The following RIMS3 variants were observed in gnomAD, a reference collection of about 807,000 sequenced individuals.
The protein encoded by RIMS3 is regulating synaptic membrane exocytosis 3.
RIMS3 carries 15 observed loss-of-function variants against 29.2 expected under a neutral mutation model. That is an observed-to-expected ratio of 0.51 (90% confidence interval 0.34 to 0.79). The LOEUF is 0.79. RIMS3 is among the 30% of genes least tolerant of loss of function. RIMS3 has a pLI of 0.01. For missense variants in RIMS3, 342 were observed against 421.4 expected (o/e 0.81, Z 1.65); for synonymous variants, 161 against 170.1 (o/e 0.95, Z 0.41).
intron 3 of RIMS3, among the ~76,000 whole-genome samples, chr1:40,638,731 T>C (rs1238298670): frequency 1.3e-5 from 2 of 152,176 alleles, no homozygotes; most frequent in African/African-American, 4.8e-5. Flanking sequence ...AACCCACCTG[T>C]GTCCTGGACC....
intron 2 of RIMS3, among the ~76,000 whole-genome samples, chr1:40,643,890 G>A (rs7542025): frequency 0.64 from 97,312 of 151,956 alleles, 31,386 homozygotes; most frequent in African/African-American, 0.69. Flanking sequence ...CCTAGCATCC[G>A]CTCCCCCTTT....
chr1:40,631,414 A>G (rs1397204488), intron 5 of RIMS3, among the ~76,000 whole-genome samples: 1 of 152,176 alleles, frequency 6.6e-6, no homozygotes, highest in Non-Finnish European at 1.5e-5. Context: ...TCCAGTCTCT[A>G]ATATAAAATG....
At position 40,628,940 on chromosome 1, in the gene RIMS3, A is replaced by G. The variant is rs767935203; in HGVS notation, c.584T>C (p.Ile195Thr). Residue 195 changes from isoleucine (I) to threonine (T), a missense_variant, in exon 7 of 8, where the codon ATC becomes ACC. Ile to Thr is a moderately conservative substitution (Grantham distance 89, BLOSUM62 -1). Transcript: ENST00000372684. ...CCCATTCTCCAGCAGGTAAACCTTG[A>G]TATAGGTGGCTAAGGGAGGAGAGAA... ...PGSKSLPATY[I>T]KVYLLENGAC... 6.2e-7 allele frequency: 1 copy of G among 1,613,212 alleles called. No homozygotes were observed. Among genetic ancestry groups the G allele is most frequent in the East Asian group, 2.2e-5 (1 of 44,856 alleles).
chr1:40,658,124 T>C (rs559834253), intron 1 of RIMS3, among the ~76,000 whole-genome samples: 10 of 152,130 alleles, frequency 6.6e-5, no homozygotes, highest in Non-Finnish European at 1.5e-4. Context: ...GTAGACATGG[T>C]TTGGTTTTTC....
At position 40,620,722 on chromosome 1, in the gene RIMS3, C is replaced by T. The variant is rs1646415761; in HGVS notation, c.*5795G>A. The T allele has an allele frequency of 6.6e-6, 1 of 152,652 alleles. No individual in the cohort carries two copies. The highest frequency in any genetic ancestry group is 6.5e-5 in the Admixed American group (1 of 15,286). 9.5% of individuals were successfully genotyped at this position (152,652 alleles called of 1,614,324 possible). A position where few individuals can be genotyped will look rare whatever the true frequency, so the allele number is the denominator to read the frequency against. On this transcript the variant is annotated 3_prime_UTR_variant, in exon 8 of 8. Coordinates refer to ENST00000372684, the MANE Select transcript of RIMS3 (RefSeq NM_014747.3). ...TTAATCATGTTTTGCTGCCCAAATA[C>T]TGTACATGCAGAAGCCATGTGAAGA... is the stretch of plus-strand genomic sequence containing the variant.
Position 40,641,681 on chromosome 1 carries a change from TACCCCGTG to T in RIMS3, c.217+20_217+27del. The T allele has an allele frequency of 6.2e-7, 1 of 1,609,932 alleles. No homozygotes were observed. The highest frequency in any genetic ancestry group is 8.5e-7 in the Non-Finnish European group (1 of 1,176,748). On this transcript the variant is annotated intron_variant, in intron 3 of 7. Transcript: ENST00000372684. ...GTCTTTGCGAAGTGTCCCCCACCTC[TACCCCGTG>T]ATGTCCCATGCCCCCTCACCAGGCT...
intron 1 of RIMS3, among the ~76,000 whole-genome samples, chr1:40,651,003 C>A (rs1169692382): frequency 6.6e-6 from 1 of 151,964 alleles, no homozygotes; most frequent in Non-Finnish European, 1.5e-5. Context: ...CTGGCTAAAC[C>A]CTATTCTTGG....
intron 1 of RIMS3, among the ~76,000 whole-genome samples, chr1:40,663,109 G>T (rs1481188019): frequency 6.6e-6 from 1 of 152,170 alleles, no homozygotes; most frequent in Non-Finnish European, 1.5e-5. Context: ...CACTGTCAGT[G>T]AGGACAGTGT....
intron 1 of RIMS3, among the ~76,000 whole-genome samples, chr1:40,659,622 G>A (rs180828467): frequency 1.3e-5 from 2 of 152,278 alleles, no homozygotes; most frequent in African/African-American, 4.8e-5. Flanking sequence ...TAGACATGAG[G>A]GAAAAGCGAT....
chr1:40,688,011 C>T, the RIMS3 span, among the ~76,000 whole-genome samples: 3 of 152,212 alleles, frequency 2.0e-5, no homozygotes, highest in Admixed American at 6.5e-5. Context: ...GTCACCTAGG[C>T]TAGAGTGCAA....
At chr1:40,688,567 G>C in the RIMS3 span, among the ~76,000 whole-genome samples, 2 of 152,174 alleles carry the variant, frequency 1.3e-5, no homozygotes, top group Admixed American at 6.5e-5. Context: ...AAAAGAACTA[G>C]AATACTCTAG....
At chr1:40,627,435 A>C (rs1368827893) in intron 7 of RIMS3, among the ~76,000 whole-genome samples, 1 of 151,996 alleles carries the variant, frequency 6.6e-6, no homozygotes, top group African/African-American at 2.4e-5. Flanking sequence ...TCACCATGTT[A>C]GCCAGGATGG....
At chr1:40,631,723 T>C (rs1460617539) in intron 5 of RIMS3, among the ~76,000 whole-genome samples, 1 of 151,850 alleles carries the variant, frequency 6.6e-6, no homozygotes, top group Non-Finnish European at 1.5e-5. Flanking sequence ...CTTATGCCTG[T>C]AATCCCGGTA....
chr1:40,630,009 T>C (rs1341680510), intron 5 of RIMS3, among the ~76,000 whole-genome samples: 1 of 146,468 alleles, frequency 6.8e-6, no homozygotes, highest in East Asian at 2.0e-4. Context: ...GAAGTGGAGG[T>C]TGTAGTGGGC....
At chr1:40,686,490 T>TA in the RIMS3 span, among the ~76,000 whole-genome samples, 5 of 151,794 alleles carry the variant, frequency 3.3e-5, no homozygotes, top group Admixed American at 1.3e-4. Flanking sequence ...CCGTTTCTAC[T>TA]AAAAAAATAC....
chr1:40,660,340 G>A (rs1322611579), intron 1 of RIMS3, among the ~76,000 whole-genome samples: 1 of 136,024 alleles, frequency 7.4e-6, no homozygotes, highest in East Asian at 2.2e-4. Flanking sequence ...TCTAAGTGTG[G>A]GCCAGGAAGC....
At chr1:40,684,653 G>A in the RIMS3 span, among the ~76,000 whole-genome samples, 212 of 152,346 alleles carry the variant, frequency 1.4e-3, 2 homozygotes, top group African/African-American at 5.0e-3. Context: ...TTCACAATGA[G>A]CTGTAGCTAG....
chr1:40,624,337 G>A lies in RIMS3; in HGVS notation c.*2180C>T, dbSNP rs1479519174. The A allele has an allele frequency of 2.0e-5, 3 of 152,248 alleles. No individual in the cohort carries two copies. Among genetic ancestry groups the A allele is most frequent in the Admixed American group, 6.5e-5 (1 of 15,292 alleles). The allele number at this position is 152,248 out of a possible 1,614,324, so 9.4% of individuals were successfully genotyped here. Reference sequence around the variant, plus strand: ...CACCCTGACAGTGACTGCTCTAGAGGTGAATATATCATAAACAGGAGATTA... The same window carrying A: ...CACCCTGACAGTGACTGCTCTAGAGATGAATATATCATAAACAGGAGATTA... On this transcript the variant is annotated 3_prime_UTR_variant, in exon 8 of 8. Coordinates refer to ENST00000372684, the MANE Select transcript of RIMS3 (RefSeq NM_014747.3).
At chr1:40,662,527 T>C (rs767918856) in intron 1 of RIMS3, among the ~76,000 whole-genome samples, 2 of 152,212 alleles carry the variant, frequency 1.3e-5, no homozygotes, top group Non-Finnish European at 2.9e-5. Flanking sequence ...TCATAGAGTC[T>C]GATACATCAG....
Sources: allele counts gnomAD v4.1 joint callset (sites outside exome capture counted in the v4.1 genomes callset), GRCh38; gene constraint gnomAD v4.1.1; transcripts MANE v1.5; gene names NCBI Gene and HGNC (gene_info 2026-07-23, HGNC 2026-07-21).